EDNRB: variants seen among roughly 807,000 people sequenced by gnomAD.
The protein encoded by EDNRB is endothelin receptor type B.
Under a neutral mutation model 46.4 loss-of-function variants are expected in EDNRB, and 18 were observed. That is an observed-to-expected ratio of 0.39 (90% CI 0.27 to 0.57). The LOEUF is 0.57. Ranked by LOEUF, EDNRB falls within the 20% of genes least tolerant of loss-of-function variation. The pLI, the probability that EDNRB is intolerant of heterozygous loss-of-function variation, is 0.61. For synonymous variants in EDNRB, 213 were observed against 204.9 expected (o/e 1.04, Z -0.34); for missense variants, 434 against 537.5 (o/e 0.81, Z 1.90).
intron 1 of EDNRB, among the ~76,000 whole-genome samples, chr13:77,970,934 T>C (rs1881710734): frequency 6.6e-6 from 1 of 152,078 alleles, no homozygotes; most frequent in African/African-American, 2.4e-5. Context: ...TTAAGGAAAA[T>C]GAGTCTTGTG....
upstream of EDNRB, among the ~76,000 whole-genome samples, chr13:77,921,826 C>T (rs147843823): frequency 1.4e-4 from 22 of 152,044 alleles, no homozygotes; most frequent in Admixed American, 3.3e-4. Context: ...TAAATCAGTC[C>T]GACTGACAAA....
rs1878727712 is a variant in EDNRB, at chr13:77,898,114, T to C, written c.*86A>G. The C allele has an allele frequency of 6.4e-7, 1 of 1,554,272 alleles. No individual in the cohort carries two copies. On this transcript the variant is annotated 3_prime_UTR_variant, in exon 7 of 7. Coordinates refer to ENST00000646607, the MANE Select transcript of EDNRB (RefSeq NM_001122659.3). The stretch of plus-strand genomic sequence containing the variant: ...GTGTGCTGTGCAAATACATAGTTTT[T>C]TGTTTTGTTTTGGCAAATGTTTCAT...
chr13:77,900,345 TC>T (rs1466708245), intron 5 of EDNRB, among the ~76,000 whole-genome samples, 175 bp downstream of exon 5: 1 of 151,886 alleles, frequency 6.6e-6, no homozygotes, highest in Non-Finnish European at 1.5e-5. Context: ...CCAGTGTTCT[TC>T]ATACCCCCCC....
At chr13:77,944,888 T>C (rs1024422134) in intron 1 of EDNRB, 1 of 152,102 alleles carries the variant, frequency 6.6e-6, no homozygotes, top group Non-Finnish European at 1.5e-5. Flanking sequence ...CAAATAGACA[T>C]GGGAGAAAAG....
At chr13:77,902,584 C>T (rs12720190) in intron 3 of EDNRB, among the ~76,000 whole-genome samples, 4,005 of 151,956 alleles carry the variant, frequency 0.026, 168 homozygotes, top group African/African-American at 0.09. Context: ...CTGTCCTTCC[C>T]GCTGAAACTA....
At chr13:77,952,047 C>A (rs961390713) in intron 1 of EDNRB, among the ~76,000 whole-genome samples, 1 of 152,106 alleles carries the variant, frequency 6.6e-6, no homozygotes, top group Non-Finnish European at 1.5e-5. Context: ...TTCATGGTCA[C>A]CAGAAATGTT....
chr13:77,941,914 A>T (rs1880759606), intron 1 of EDNRB, among the ~76,000 whole-genome samples: 1 of 152,238 alleles, frequency 6.6e-6, no homozygotes, highest in African/African-American at 2.4e-5. Context: ...ACATCAGTGC[A>T]GAGAGATGGA....
intron 1 of EDNRB, among the ~76,000 whole-genome samples, chr13:77,968,830 T>C: frequency 6.6e-6 from 1 of 152,182 alleles, no homozygotes; most frequent in South Asian, 2.1e-4. Flanking sequence ...AATTGTGTAC[T>C]GCTCCTTAAA....
rs1034513077 is a variant in EDNRB, at chr13:77,897,048, T to C, written c.*1152A>G. 1.0e-6 allele frequency: 1 copy of C among 986,694 alleles called. No individual in the cohort carries two copies. The highest frequency in any genetic ancestry group is 1.2e-6 in the Non-Finnish European group (1 of 831,000). The allele number at this position is 986,694 out of a possible 1,614,324, so 61.1% of individuals were successfully genotyped here. A position where few individuals can be genotyped will look rare whatever the true frequency, so the allele number is the denominator to read the frequency against. On this transcript the variant is annotated 3_prime_UTR_variant, in exon 7 of 7. Transcript: ENST00000646607. ...TACTAATCTGTATGATTTTGAAAAA[T>C]AGTATTTTAACTATAGCATTATACA...
At chr13:77,948,292 C>T (rs7998775) in intron 1 of EDNRB, among the ~76,000 whole-genome samples, 5,470 of 152,156 alleles carry the variant, frequency 0.036, 165 homozygotes, top group East Asian at 0.087. Context: ...TATGGGTTAA[C>T]GTGCATGAGT....
At position 77,918,546 on chromosome 13, in the gene EDNRB, G is replaced by T; in HGVS notation, c.28C>A (p.Arg10Ser). The change falls in exon 1 of 7, where the codon CGC becomes AGC. Residue 10 changes from arginine to serine, a missense_variant. Arg to Ser is a moderately radical substitution (Grantham distance 110, BLOSUM62 -1). Transcript: ENST00000646607. This position sits in a 1 kb window ranked among gnomAD's most constrained non-coding sequence, Gnocchi z 4.5. ...GCAAGAACCAGCGCAACCAGGGCGC[G>T]TCCGCACAGACTTGGAGGCGGCTGC... MQPPPSLCG[R>S]ALVALVLACG... 1.9e-6 allele frequency: 3 copies of T among 1,596,938 alleles called. No individual in the cohort carries two copies. Among genetic ancestry groups the T allele is most frequent in the Non-Finnish European group, 2.6e-6 (3 of 1,174,280 alleles).
intron 1 of EDNRB, among the ~76,000 whole-genome samples, chr13:77,946,076 C>T (rs1477880623): frequency 6.6e-6 from 1 of 152,084 alleles, no homozygotes; most frequent in Admixed American, 6.6e-5. Context: ...TGAATAATTA[C>T]AAAATAAGAT....
At chr13:77,931,763 A>AC (rs901895346) in intron 1 of EDNRB, among the ~76,000 whole-genome samples, 11 of 133,754 alleles carry the variant, frequency 8.2e-5, no homozygotes, top group Non-Finnish European at 9.4e-5. Flanking sequence ...AAAAAAAACA[A>AC]AAAAAAAAAA....
intron 1 of EDNRB, among the ~76,000 whole-genome samples, chr13:77,908,486 A>G (rs1321273355): frequency 1.3e-5 from 2 of 151,758 alleles, no homozygotes; most frequent in Non-Finnish European, 2.9e-5. Flanking sequence ...ATTTGGTGAG[A>G]GATTGTTCTT....
intron 1 of EDNRB, among the ~76,000 whole-genome samples, chr13:77,909,691 G>A (rs2137625361): frequency 6.6e-6 from 1 of 152,084 alleles, no homozygotes; most frequent in African/African-American, 2.4e-5. Flanking sequence ...GGCACACAGT[G>A]GTCACTCATT....
chr13:77,899,481 A>T (rs1878821824), intron 6 of EDNRB: 1 of 200,088 alleles, frequency 5.0e-6, no homozygotes, highest in African/African-American at 2.4e-5. Context: ...ATTTAGTTAT[A>T]ATAATAATTG....
intron 1 of EDNRB, among the ~76,000 whole-genome samples, chr13:77,957,704 A>G (rs9544646): frequency 0.064 from 9,714 of 152,284 alleles, 390 homozygotes; most frequent in Middle Eastern, 0.13. Context: ...ATCCTGGATG[A>G]ACTGCCTGCA....
rs570174519 is a variant in EDNRB, at chr13:77,963,268, A to G, written c.-52+12079T>C. ...TTTCTTCACAGAATTGGAAAAAACT[A>G]CTTTAAAGTTCATATGGAACCAAAA... On this transcript the variant is annotated intron_variant, in intron 1 of 7. Coordinates refer to the EDNRB transcript ENST00000646948. Among the ~76,000 whole-genome samples the G allele has an allele frequency of 2.0e-5, 3 of 152,314 alleles. No individual in the cohort carries two copies. The South Asian group carries it at 6.2e-4, about 32-fold the overall frequency.
chr13:77,903,578 A>G lies in EDNRB; in HGVS notation c.513T>C (p.Ala171=). Residue 171 remains alanine (A), a synonymous_variant, in exon 2 of 7, where the codon GCT becomes GCC. Coordinates refer to ENST00000646607, the MANE Select transcript of EDNRB (RefSeq NM_001122659.3). ...KLLAEDWPFG[A]EMCKLVPFIQ... ...TGAAAGGCACCAGCTTACACATCTC[A>G]GCTCCAAATGGCCAGTCCTCTGCCA... 1 of 1,612,666 alleles carries G rather than the reference A, an allele frequency of 6.2e-7. No individual in the cohort carries two copies. The highest frequency in any genetic ancestry group is 8.5e-7 in the Non-Finnish European group (1 of 1,179,124).
Sources: allele counts gnomAD v4.1 joint callset (sites outside exome capture counted in the v4.1 genomes callset), GRCh38; gene constraint gnomAD v4.1.1; non-coding constraint Gnocchi (gnomAD v3.1); transcripts MANE v1.5; gene names NCBI Gene and HGNC (gene_info 2026-07-23, HGNC 2026-07-21).